Variants in AKR1B15 observed in about 807,000 individuals in gnomAD.
The protein encoded by AKR1B15 is aldo-keto reductase family 1 member B15, also known as estradiol 17-beta-dehydrogenase AKR1B15.
In AKR1B15, 49 loss-of-function variants were observed where a neutral mutation model predicts 38.5. The observed-to-expected ratio is 1.27, with a 90% CI of 1.01 to 1.62. AKR1B15 has a LOEUF of 1.62. Ranked by LOEUF, AKR1B15 falls within the 40% of genes most tolerant of loss-of-function variation. AKR1B15 has a pLI of 0.00. For synonymous variants in AKR1B15, 137 were observed against 135.5 expected (o/e 1.01, Z -0.08); for missense variants, 411 against 381.6 (o/e 1.08, Z -0.64).
intron 1 of AKR1B15, among the ~76,000 whole-genome samples, chr7:134,551,579 C>T (rs767976152): frequency 1.1e-4 from 17 of 152,076 alleles, no homozygotes; most frequent in Admixed American, 2.0e-4. Flanking sequence ...AGAGAGTTTT[C>T]GACAATCGAG....
intron 1 of AKR1B15, among the ~76,000 whole-genome samples, chr7:134,551,904 T>C (rs532079618): frequency 6.6e-6 from 1 of 152,266 alleles, no homozygotes; most frequent in East Asian, 1.9e-4. Context: ...AATCTGATGA[T>C]TGACGGGGCC....
chr7:134,568,108 T>C, intron 3 of AKR1B15, 50 bp from the exon 4 acceptor site: 1 of 1,605,648 alleles, frequency 6.2e-7, no homozygotes, highest in South Asian at 1.1e-5. Context: ...CAAGGTCTCA[T>C]CTCTTAAAAA....
At chr7:134,561,312 C>G (rs912247307) in intron 2 of AKR1B15, among the ~76,000 whole-genome samples, 1 of 152,164 alleles carries the variant, frequency 6.6e-6, no homozygotes, top group African/African-American at 2.4e-5. Flanking sequence ...CTCCTAGGTT[C>G]AAGTGATTCT....
Position 134,565,638 on chromosome 7 carries a change from G to A in AKR1B15, c.150+869G>A, listed in dbSNP as rs566404952. 1.6e-4 allele frequency: 253 copies of A among 1,560,092 alleles called. 1 individual carries two copies. In the East Asian group the frequency reaches 5.3e-3, roughly 33 times the overall value. On this transcript the variant is annotated intron_variant, in intron 3 of 11. Coordinates refer to ENST00000457545, the MANE Select transcript of AKR1B15 (RefSeq NM_001080538.3). ...ATTCAGCCAGAAAAGCCTGGAGGTC[G>A]GGTAGGGGTTTGGAGAGGTGAATTT...
rs971727863 is a variant in AKR1B15, at chr7:134,573,292, A to T, written c.513+1611A>T. 8 of 879,390 alleles carry T rather than the reference A, an allele frequency of 9.1e-6. No homozygotes were observed. In the African/African-American group the frequency reaches 1.3e-4, roughly 14 times the overall value. The allele number at this position is 879,390 out of a possible 1,614,324, so 54.5% of individuals were successfully genotyped here. A position where few individuals can be genotyped will look rare whatever the true frequency, so the allele number is the denominator to read the frequency against. On this transcript the variant is annotated intron_variant, in intron 6 of 11. Coordinates refer to ENST00000457545, the MANE Select transcript of AKR1B15 (RefSeq NM_001080538.3). ...GGGATCCACCCGTCTCAGCCTCCCA[A>T]AGTGTTCAGATTACAGGCGTGAGCT...
chr7:134,565,930 T>C (rs757895236), intron 3 of AKR1B15, among the ~76,000 whole-genome samples: 3 of 152,126 alleles, frequency 2.0e-5, no homozygotes, highest in African/African-American at 2.4e-5. Flanking sequence ...CAGAAGTCCC[T>C]GGCACCACTT....
Position 134,558,562 on chromosome 7 carries a change from A to G in AKR1B15, c.-23+1703A>G, listed in dbSNP as rs140709717. Among the ~76,000 whole-genome samples, 26 of 152,344 alleles carry G rather than the reference A, an allele frequency of 1.7e-4. No homozygotes were observed. The East Asian group carries it at 1.9e-3, about 11-fold the overall frequency. On this transcript the variant is annotated intron_variant, in intron 2 of 11. Transcript: ENST00000457545. ...TCCTTGGCATCCATCCTCCACAGGAAGAGTAGAGTGGATGAATCAGACTCT... is the reference window on the plus strand; with the variant it reads ...TCCTTGGCATCCATCCTCCACAGGAGGAGTAGAGTGGATGAATCAGACTCT...
At chr7:134,554,215 C>T (rs1052316749) in intron 1 of AKR1B15, among the ~76,000 whole-genome samples, 3 of 152,170 alleles carry the variant, frequency 2.0e-5, no homozygotes, top group African/African-American at 7.2e-5. Context: ...ATGGCCATTG[C>T]TCGTGGTAAC....
intron 1 of AKR1B15, among the ~76,000 whole-genome samples, chr7:134,555,380 G>A (rs1221409322): frequency 1.3e-5 from 2 of 152,046 alleles, no homozygotes; most frequent in Non-Finnish European, 2.9e-5. Flanking sequence ...GAAGGTGGAC[G>A]GCACTCCTGC....
chr7:134,557,128 T>C (rs898102463), intron 2 of AKR1B15, among the ~76,000 whole-genome samples: 2 of 152,066 alleles, frequency 1.3e-5, no homozygotes, highest in Non-Finnish European at 2.9e-5. Context: ...ATTCCTGGAG[T>C]ACCAAAGTAC....
chr7:134,572,956 A>G (rs1485718583), intron 6 of AKR1B15, among the ~76,000 whole-genome samples: 2 of 152,210 alleles, frequency 1.3e-5, no homozygotes, highest in African/African-American at 4.8e-5. Context: ...CCTTTCTGAA[A>G]TGCTTAGAAT....
chr7:134,576,129 C>A (rs1182814101), intron 8 of AKR1B15, among the ~76,000 whole-genome samples: 1 of 151,038 alleles, frequency 6.6e-6, no homozygotes, highest in Non-Finnish European at 1.5e-5. Context: ...CATGCTTGAC[C>A]CTCTGGGAAT....
At chr7:134,579,462 C>A (rs766089807) in intron 11 of AKR1B15, 45 bp from the exon 12 acceptor site, 1 of 1,515,828 alleles carries the variant, frequency 6.6e-7, no homozygotes, top group Non-Finnish European at 8.9e-7. Context: ...AGAGTTGTTG[C>A]TTTGATGGAA....
At chr7:134,572,664 A>G (rs533936464) in intron 6 of AKR1B15, among the ~76,000 whole-genome samples, 2 of 151,746 alleles carry the variant, frequency 1.3e-5, no homozygotes, top group East Asian at 3.9e-4. Flanking sequence ...AAAATCAGGG[A>G]GCCTGAGTGC....
At chr7:134,568,137 G>A in intron 3 of AKR1B15, 21 bp from the exon 4 acceptor site, 1 of 1,613,656 alleles carries the variant, frequency 6.2e-7, no homozygotes, top group Non-Finnish European at 8.5e-7. Context: ...ATGTGTGATG[G>A]GCTTTTCTTT....
chr7:134,556,185 C>T (rs1346431646), intron 1 of AKR1B15, among the ~76,000 whole-genome samples: 1 of 152,170 alleles, frequency 6.6e-6, no homozygotes, highest in African/African-American at 2.4e-5. Context: ...GTTCCAAAAA[C>T]ACCCAGAGAG....
intron 2 of AKR1B15, among the ~76,000 whole-genome samples, chr7:134,562,846 C>CTT (rs772363029): frequency 2.2e-5 from 2 of 91,806 alleles, no homozygotes; most frequent in South Asian, 3.1e-4. Context: ...TTCTTTCTTT[C>CTT]TTTCTTTCTT....
chr7:134,564,104 C>T (rs374505312), intron 2 of AKR1B15, among the ~76,000 whole-genome samples: 36 of 152,136 alleles, frequency 2.4e-4, no homozygotes, highest in African/African-American at 7.0e-4. Flanking sequence ...AACTCAAGTC[C>T]GTCAGCACAG....
At chr7:134,555,152 G>T (rs1190986093) in intron 1 of AKR1B15, among the ~76,000 whole-genome samples, 2 of 152,152 alleles carry the variant, frequency 1.3e-5, no homozygotes, top group East Asian at 3.9e-4. Context: ...AATCTCACAA[G>T]CTAACTTGTT....
Sources: gnomAD v4.1 joint callset for allele counts (sites outside exome capture counted in the v4.1 genomes callset) on GRCh38, gnomAD v4.1.1 for gene constraint, MANE v1.5 for transcripts, NCBI Gene and HGNC (gene_info 2026-07-23, HGNC 2026-07-21) for gene names.